RTN1: variants seen among roughly 807,000 people sequenced by gnomAD.
The protein encoded by RTN1 is reticulon-1.
A neutral mutation model predicts 65.5 loss-of-function variants in RTN1; 25 were observed. That is an observed-to-expected ratio of 0.38 (90% CI 0.28 to 0.53). RTN1 has a LOEUF of 0.53. Among genes scored for constraint, RTN1 ranks in the 20% least tolerant of loss-of-function variants. The pLI, the probability that RTN1 is intolerant of heterozygous loss-of-function variation, is 0.79. For missense variants in RTN1, 983 were observed against 1,025.4 expected, an observed-to-expected ratio of 0.96 and a Z score of 0.57; for synonymous variants, 471 against 447.6, an observed-to-expected ratio of 1.05 and a Z score of -0.66.
rs569320195 is a variant in RTN1 at position 59,807,744 on chromosome 14, G to A, written c.242-61263C>T. 2.5e-4 allele frequency among the ~76,000 whole-genome samples: 38 copies of A among 152,324 alleles called. 1 individual carries two copies. The highest frequency in any genetic ancestry group is 1.4e-3 in the South Asian group (7 of 4,834). ...GAAAATGTAACTGTTTTTGCCACTT[G>A]AGGTAGGCAGAGGACATTTTCCAAG... On this transcript the variant is annotated intron_variant, in intron 1 of 8. Transcript: ENST00000267484.
intron 3 of RTN1, among the ~76,000 whole-genome samples, chr14:59,713,981 A>G (rs539929813): frequency 6.6e-6 from 1 of 152,286 alleles, no homozygotes; most frequent in South Asian, 2.1e-4. Flanking sequence ...CACGCCTGTA[A>G]TCCCAGCACC....
chr14:59,685,161 T>C (rs1162428524), intron 3 of RTN1, among the ~76,000 whole-genome samples: 5 of 151,890 alleles, frequency 3.3e-5, no homozygotes, highest in Non-Finnish European at 2.9e-5. Flanking sequence ...CAATTAGGAA[T>C]GTACCTCAAC....
At chr14:59,749,328 C>CTATATATATCTATATATATATATCTA (rs1885334433) in intron 1 of RTN1, among the ~76,000 whole-genome samples, 1 of 19,800 alleles carries the variant, frequency 5.1e-5, no homozygotes, top group African/African-American at 4.7e-4. Context: ...ATCTATATAT[C>CTATATATATCTATATATATATATCTA]TATATATATC....
intron 3 of RTN1, among the ~76,000 whole-genome samples, chr14:59,693,726 G>C (rs901110604): frequency 6.6e-6 from 1 of 152,178 alleles, no homozygotes; most frequent in Non-Finnish European, 1.5e-5. Flanking sequence ...TACAAGGTAT[G>C]CTATTAATCT....
In RTN1 at chr14:59,870,025, C is replaced by A. The variant is rs1268490831; in HGVS notation, c.241+365G>T. 6.6e-6 allele frequency among the ~76,000 whole-genome samples: 1 copy of A among 152,184 alleles called. No individual in the cohort carries two copies. Among genetic ancestry groups the A allele is most frequent in the Non-Finnish European group, 1.5e-5 (1 of 68,034 alleles). On this transcript the variant is annotated intron_variant, in intron 1 of 8. Coordinates refer to ENST00000267484, the MANE Select transcript of RTN1 (RefSeq NM_021136.3). This position sits in a 1 kb window ranked among gnomAD's most constrained non-coding sequence, Gnocchi z 5.1. ...GCAAACACGCCCCCCAAAATCCCCACAACCTGTCAAACGGGCCCTACAGCT... is the reference window on the plus strand; with the variant it reads ...GCAAACACGCCCCCCAAAATCCCCAAAACCTGTCAAACGGGCCCTACAGCT...
At chr14:59,840,303 G>A (rs1259892735) in intron 1 of RTN1, among the ~76,000 whole-genome samples, 1 of 152,110 alleles carries the variant, frequency 6.6e-6, no homozygotes, top group Non-Finnish European at 1.5e-5. Context: ...TCAGAAAGTT[G>A]TTGTGAGGCT....
chr14:59,846,337 C>T lies in RTN1; in HGVS notation c.241+24053G>A, dbSNP rs1163449022. Among the ~76,000 whole-genome samples, 31 of 152,146 alleles carry T rather than the reference C, an allele frequency of 2.0e-4. No individual in the cohort carries two copies. The highest frequency in any genetic ancestry group is 2.0e-3 in the Admixed American group (30 of 15,272). On this transcript the variant is annotated intron_variant, in intron 1 of 8. Transcript: ENST00000267484. The surrounding 1 kb of genome is among the most constrained non-coding windows in gnomAD (Gnocchi z 4.8). ...GACATCACTCATTAATCCCGGCATT[C>T]TTTCCACAGCACTCTTCTCATCCCA...
At chr14:59,823,232 T>G (rs1279992006) in intron 1 of RTN1, among the ~76,000 whole-genome samples, 1 of 152,142 alleles carries the variant, frequency 6.6e-6, no homozygotes, top group Non-Finnish European at 1.5e-5. Context: ...GTCTTCTTGT[T>G]GGGTTGGGCC....
chr14:59,778,444 T>C (rs1417313300), intron 1 of RTN1, among the ~76,000 whole-genome samples: 2 of 152,180 alleles, frequency 1.3e-5, no homozygotes, highest in Non-Finnish European at 2.9e-5. Context: ...AAATGATTTG[T>C]CCAAGTCGCA....
intron 3 of RTN1, among the ~76,000 whole-genome samples, chr14:59,617,287 C>T (rs1416857808): frequency 2.6e-5 from 4 of 152,194 alleles, no homozygotes; most frequent in Non-Finnish European, 5.9e-5. Context: ...GGGCCAGGAA[C>T]CCCAAGTTAT....
chr14:59,645,382 A>T (rs1882868995), intron 3 of RTN1, among the ~76,000 whole-genome samples: 1 of 150,940 alleles, frequency 6.6e-6, no homozygotes, highest in Admixed American at 6.6e-5. Context: ...TATGTTTGTT[A>T]CATGTTTTCT....
rs192103912 is a variant in RTN1, at chr14:59,596,731, G to T, written c.*14C>A. The T allele has an allele frequency of 9.6e-5, 153 of 1,599,620 alleles. No individual in the cohort carries two copies. The highest frequency in any genetic ancestry group is 1.3e-4 in the Non-Finnish European group (146 of 1,166,958). The stretch of plus-strand genomic sequence containing the variant: ...ACATTCCTGTTTGTGTCCAGTCCCC[G>T]GTGGGAAATCAGTTTACTCAGCATG... On this transcript the variant is annotated 3_prime_UTR_variant, in exon 9 of 9. Transcript: ENST00000267484.
intron 3 of RTN1, among the ~76,000 whole-genome samples, chr14:59,608,118 A>G (rs904842282): frequency 6.6e-6 from 1 of 152,228 alleles, no homozygotes; most frequent in African/African-American, 2.4e-5. Context: ...AATGTCATGC[A>G]AAATGGAAAT....
intron 3 of RTN1, among the ~76,000 whole-genome samples, chr14:59,686,304 C>T (rs1466848342): frequency 6.6e-6 from 1 of 151,564 alleles, no homozygotes; most frequent in Admixed American, 6.6e-5. Flanking sequence ...GCAACACAAA[C>T]AAAAACAAAA....
chr14:59,609,864 AAAAC>A (rs1433893468), intron 3 of RTN1, among the ~76,000 whole-genome samples: 1 of 152,246 alleles, frequency 6.6e-6, no homozygotes, highest in Non-Finnish European at 1.5e-5. Flanking sequence ...TGAATTATAC[AAAAC>A]AAACACACAC....
At chr14:59,764,671 G>A (rs1336889567) in intron 1 of RTN1, among the ~76,000 whole-genome samples, 1 of 152,064 alleles carries the variant, frequency 6.6e-6, no homozygotes, top group Admixed American at 6.5e-5. Flanking sequence ...TTTAAAACTA[G>A]AAGTACATAA....
intron 3 of RTN1, among the ~76,000 whole-genome samples, chr14:59,634,067 A>G (rs973196072): frequency 1.3e-5 from 2 of 152,202 alleles, no homozygotes; most frequent in Non-Finnish European, 2.9e-5. Flanking sequence ...AATATATAAT[A>G]TTCATTTGTA....
At chr14:59,767,945 C>T (rs1885881991) in intron 1 of RTN1, among the ~76,000 whole-genome samples, 2 of 152,196 alleles carry the variant, frequency 1.3e-5, no homozygotes, top group Non-Finnish European at 1.5e-5. Context: ...CAGTGACAAT[C>T]GTACTGAACA....
At chr14:59,606,290 TA>T (rs1170354061) in intron 4 of RTN1, among the ~76,000 whole-genome samples, 2 of 151,518 alleles carry the variant, frequency 1.3e-5, no homozygotes, top group African/African-American at 2.4e-5. Flanking sequence ...TGAATTGAGA[TA>T]AAAAGAGTAA....
Sources: allele counts gnomAD v4.1 joint callset (sites outside exome capture counted in the v4.1 genomes callset), GRCh38; gene constraint gnomAD v4.1.1; non-coding constraint Gnocchi (gnomAD v3.1); transcripts MANE v1.5; gene names NCBI Gene and HGNC (gene_info 2026-07-23, HGNC 2026-07-21).